Variants in MAP2 observed in about 807,000 individuals in gnomAD.
MAP2 encodes the protein microtubule-associated protein 2.
A neutral mutation model predicts 137.6 loss-of-function variants in MAP2; 14 were observed. That is an observed-to-expected ratio of 0.10 (90% CI 0.07 to 0.16). MAP2 has a LOEUF of 0.16. MAP2 is among the 10% of genes least tolerant of loss of function. MAP2 has a pLI of 1.00. For synonymous variants in MAP2, 786 were observed against 782.3 expected, an observed-to-expected ratio of 1.00 and a Z score of -0.08; for missense variants, 2,088 against 2,191.5, an observed-to-expected ratio of 0.95 and a Z score of 0.94.
intron 5 of MAP2, among the ~76,000 whole-genome samples, chr2:209,671,836 A>G (rs1453223105): frequency 6.6e-6 from 1 of 151,864 alleles, no homozygotes; most frequent in Non-Finnish European, 1.5e-5. Context: ...AAGTAATCAT[A>G]GCTGGTCCTG....
intron 2 of MAP2, among the ~76,000 whole-genome samples, chr2:209,523,915 G>A (rs539400027): frequency 1.8e-4 from 28 of 152,182 alleles, no homozygotes; most frequent in East Asian, 3.9e-4. Context: ...GAAAAGTTCC[G>A]TTTAAGTCCT....
At chr2:209,433,146 A>G (rs540206922) in intron 1 of MAP2, among the ~76,000 whole-genome samples, 7 of 152,124 alleles carry the variant, frequency 4.6e-5, no homozygotes, top group Non-Finnish European at 8.8e-5. Context: ...TCCTGTCCTC[A>G]TGGAGCTAAC....
chr2:209,432,548 G>T (rs1271341927), intron 1 of MAP2, among the ~76,000 whole-genome samples: 1 of 152,080 alleles, frequency 6.6e-6, no homozygotes, highest in East Asian at 1.9e-4. Flanking sequence ...ACATATTCCT[G>T]GTCACTGAAA....
intron 5 of MAP2, among the ~76,000 whole-genome samples, chr2:209,663,816 G>C (rs189484056): frequency 1.3e-5 from 2 of 152,174 alleles, no homozygotes; most frequent in Non-Finnish European, 1.5e-5. Context: ...TCAGTCCTCC[G>C]ATTGGTCTAA....
chr2:209,685,104 A>G (rs1042438365), intron 7 of MAP2, among the ~76,000 whole-genome samples: 1 of 152,110 alleles, frequency 6.6e-6, no homozygotes, highest in African/African-American at 2.4e-5. Context: ...GTTATGGTTT[A>G]TGTCTGGAGA....
chr2:209,599,437 C>T (rs991495037), intron 3 of MAP2, among the ~76,000 whole-genome samples: 1 of 152,124 alleles, frequency 6.6e-6, no homozygotes, highest in African/African-American at 2.4e-5. Context: ...AAATCCCATC[C>T]ATCCTCTGGA....
At chr2:209,598,198 G>T (rs1222704102) in intron 3 of MAP2, among the ~76,000 whole-genome samples, 2 of 151,650 alleles carry the variant, frequency 1.3e-5, no homozygotes, top group Non-Finnish European at 2.9e-5. Flanking sequence ...TAGAGATGGG[G>T]GTTTCACCAT....
chr2:209,513,160 A>G (rs1216592341), intron 2 of MAP2, among the ~76,000 whole-genome samples: 2 of 152,166 alleles, frequency 1.3e-5, no homozygotes, highest in Non-Finnish European at 2.9e-5. Flanking sequence ...ATGTCTAACC[A>G]GTAAGCTTCA....
chr2:209,693,348 A>T lies in MAP2; in HGVS notation c.1178A>T (p.Asp393Val), dbSNP rs1239396580. The T allele has an allele frequency of 6.2e-7, 1 of 1,612,828 alleles. No individual in the cohort carries two copies. The highest frequency in any genetic ancestry group is 1.7e-5 in the Admixed American group (1 of 59,758). ...TCAGAGGCAATGACCTTACCCAAAGATGCTCACATTCCAGTTGTAGAAGAA... is the reference window on the plus strand; with the variant it reads ...TCAGAGGCAATGACCTTACCCAAAGTTGCTCACATTCCAGTTGTAGAAGAA... ...PPSEAMTLPK[D>V]AHIPVVEEHV... Residue 393 changes from aspartate to valine, a missense_variant, in exon 8 of 16, where the codon GAT (aspartate) becomes GTT (valine). Around this residue, in one of 6 missense-constraint regions of MAP2, gnomAD observed 859 missense variants for 794.5 expected, o/e 1.08. Coordinates refer to ENST00000682079, the MANE Select transcript of MAP2 (RefSeq NM_001375505.1).
intron 1 of MAP2, among the ~76,000 whole-genome samples, chr2:209,449,306 G>A (rs567758401): frequency 1.3e-5 from 2 of 152,182 alleles, no homozygotes; most frequent in African/African-American, 2.4e-5. Context: ...CCCAACAGAC[G>A]CAGGCAGTTA....
chr2:209,642,591 C>T (rs574115478), intron 4 of MAP2, among the ~76,000 whole-genome samples: 49 of 152,196 alleles, frequency 3.2e-4, no homozygotes, highest in South Asian at 1.2e-3. Flanking sequence ...TTTGAAATTA[C>T]GTGTTATGCA....
At chr2:209,662,227 A>C (rs572545518) in intron 5 of MAP2, among the ~76,000 whole-genome samples, 1 of 152,352 alleles carries the variant, frequency 6.6e-6, no homozygotes, top group African/African-American at 2.4e-5. Flanking sequence ...AACTGAGGTT[A>C]ATTGCATTCA....
In MAP2 at chr2:209,730,654, T is replaced by G; in HGVS notation, c.*257T>G. 2.2e-6 allele frequency: 1 copy of G among 452,128 alleles called. No homozygotes were observed. Among genetic ancestry groups the G allele is most frequent in the Non-Finnish European group, 4.0e-6 (1 of 248,806 alleles). 28.0% of individuals were successfully genotyped at this position (452,128 alleles called of 1,614,324 possible). A position where few individuals can be genotyped will look rare whatever the true frequency, so the allele number is the denominator to read the frequency against. The stretch of plus-strand genomic sequence containing the variant: ...CAATTATTTTTGCTCTGCTCTGTTT[T>G]GCATGGAGTATTATTATTTTAAAAA... On this transcript the variant is annotated 3_prime_UTR_variant, in exon 16 of 16. Coordinates refer to ENST00000682079, the MANE Select transcript of MAP2 (RefSeq NM_001375505.1).
intron 1 of MAP2, among the ~76,000 whole-genome samples, chr2:209,438,212 A>G (rs1017492120): frequency 1.3e-5 from 2 of 151,702 alleles, no homozygotes; most frequent in Admixed American, 1.3e-4. Flanking sequence ...TTCGTATTTT[A>G]TTATACATAT....
intron 1 of MAP2, among the ~76,000 whole-genome samples, chr2:209,481,821 C>G (rs1708851039): frequency 6.6e-6 from 1 of 152,190 alleles, no homozygotes; most frequent in Non-Finnish European, 1.5e-5. Flanking sequence ...CCCTAAACCT[C>G]TCTTCTTCTG....
intron 4 of MAP2, among the ~76,000 whole-genome samples, chr2:209,628,717 A>G (rs2092675190): frequency 2.6e-5 from 4 of 152,198 alleles, no homozygotes; most frequent in Admixed American, 2.0e-4. Context: ...ACAAGATGCT[A>G]CATATACTGG....
chr2:209,477,327 A>T (rs1383453595), intron 1 of MAP2, among the ~76,000 whole-genome samples: 1 of 152,206 alleles, frequency 6.6e-6, no homozygotes, highest in Non-Finnish European at 1.5e-5. Context: ...AGAAAATGTT[A>T]TATTGAAAAA....
intron 2 of MAP2, among the ~76,000 whole-genome samples, chr2:209,562,396 G>GA (rs35378786): frequency 0.091 from 13,746 of 150,518 alleles, 1,615 homozygotes; most frequent in African/African-American, 0.26. Context: ...TCTCCAGCTT[G>GA]AAAAAAAAAG....
chr2:209,540,425 A>C (rs534178695), intron 2 of MAP2, among the ~76,000 whole-genome samples: 8 of 151,830 alleles, frequency 5.3e-5, no homozygotes, highest in African/African-American at 1.9e-4. Context: ...TGAGGTCAGA[A>C]GTTCGAGACT....
Sources: allele counts gnomAD v4.1 joint callset (sites outside exome capture counted in the v4.1 genomes callset), GRCh38; gene constraint gnomAD v4.1.1; regional missense constraint gnomAD v4.1.1; transcripts MANE v1.5; gene names NCBI Gene and HGNC (gene_info 2026-07-23, HGNC 2026-07-21).